ROBO2: variants seen among roughly 807,000 people sequenced by gnomAD.
ROBO2 encodes the protein roundabout guidance receptor 2, also known as roundabout homolog 2.
A neutral mutation model predicts 160.8 loss-of-function variants in ROBO2; 53 were observed. The observed-to-expected ratio is 0.33, with a 90% CI of 0.26 to 0.41. The LOEUF is 0.41. ROBO2 is among the 10% of genes least tolerant of loss of function. The probability of loss-of-function intolerance (pLI) is 1.00; values close to 1 mark genes in which losing one functional copy is unlikely to be tolerated. For missense variants in ROBO2, 1,577 were observed against 1,722.4 expected (o/e 0.92, Z 1.49); for synonymous variants, 664 against 611.7 (o/e 1.09, Z -1.26).
chr3:77,370,583 T>C (rs1343654415), intron 2 of ROBO2, among the ~76,000 whole-genome samples: 1 of 152,226 alleles, frequency 6.6e-6, no homozygotes, highest in East Asian at 1.9e-4. Context: ...TGGAAGACTG[T>C]GCTTTAGAGG....
chr3:77,267,585 AG>A (rs2059211535), intron 2 of ROBO2, among the ~76,000 whole-genome samples: 1 of 152,184 alleles, frequency 6.6e-6, no homozygotes, highest in Non-Finnish European at 1.5e-5. Flanking sequence ...AGTGAGGAAA[AG>A]ATGGGTTGGC....
At chr3:76,816,291 C>T (rs905775635) in intron 2 of ROBO2, among the ~76,000 whole-genome samples, 8 of 151,986 alleles carry the variant, frequency 5.3e-5, no homozygotes, top group African/African-American at 1.4e-4. Context: ...TATGAAGTAA[C>T]GTATTTATAA....
intron 2 of ROBO2, among the ~76,000 whole-genome samples, chr3:76,044,466 T>G (rs923787227): frequency 4.6e-5 from 7 of 152,050 alleles, no homozygotes; most frequent in Non-Finnish European, 8.8e-5. Context: ...TTTTTGTTAT[T>G]ATTGTAAAGA....
intron 6 of ROBO2, among the ~76,000 whole-genome samples, chr3:77,530,000 CA>C (rs886168735): frequency 2.0e-5 from 3 of 151,626 alleles, no homozygotes; most frequent in African/African-American, 7.3e-5. Context: ...ATTGTATGGT[CA>C]AAAAGTATAA....
intron 2 of ROBO2, among the ~76,000 whole-genome samples, chr3:76,919,219 G>T (rs2076517551): frequency 6.6e-6 from 1 of 152,060 alleles, no homozygotes; most frequent in African/African-American, 2.4e-5. Context: ...TAAATAAAAA[G>T]AAAGTGATGT....
At chr3:76,222,775 G>A (rs1704051636) in intron 2 of ROBO2, among the ~76,000 whole-genome samples, 1 of 149,312 alleles carries the variant, frequency 6.7e-6, no homozygotes, top group African/African-American at 2.5e-5. Flanking sequence ...TTTTTTTTCA[G>A]ATGGAGTCTC....
chr3:77,068,430 C>A (rs1030087575), intron 1 of ROBO2, among the ~76,000 whole-genome samples: 1 of 151,940 alleles, frequency 6.6e-6, no homozygotes, highest in Non-Finnish European at 1.5e-5. Context: ...GAATCACCAC[C>A]CTATTAAGAA....
At chr3:77,073,100 A>G (rs992372707) in intron 1 of ROBO2, among the ~76,000 whole-genome samples, 2 of 152,206 alleles carry the variant, frequency 1.3e-5, no homozygotes, top group Admixed American at 6.5e-5. Flanking sequence ...AATAGATATG[A>G]AAACAATTGC....
At chr3:77,038,660 C>G (rs1207385356), upstream of ROBO2, among the ~76,000 whole-genome samples, 2 of 152,098 alleles carry the variant, frequency 1.3e-5, no homozygotes, top group African/African-American at 4.8e-5. Context: ...ATCATCTGAA[C>G]AAGCATCAAA....
In ROBO2 at chr3:76,553,534, C is replaced by T. The variant is rs188297134; in HGVS notation, c.110-544480C>T. Among the ~76,000 whole-genome samples, 411 of 152,192 alleles carry T rather than the reference C, an allele frequency of 2.7e-3. 2 individuals carry two copies. The highest frequency in any genetic ancestry group is 8.7e-3 in the African/African-American group (363 of 41,506). On this transcript the variant is annotated intron_variant, in intron 2 of 26. Coordinates refer to the ROBO2 transcript ENST00000487694. ...GCTCTACTTTTTACTAATTAGTGGT[C>T]TGATATTAGCCAGGATTCTTGAAAC...
chr3:77,125,220 AGTTGTG>A (rs2075202208), intron 2 of ROBO2, among the ~76,000 whole-genome samples: 1 of 152,170 alleles, frequency 6.6e-6, no homozygotes, highest in Non-Finnish European at 1.5e-5. Context: ...TAACTATAAT[AGTTGTG>A]GTCTGTCTGC....
chr3:76,485,095 G>A (rs1273308240), intron 2 of ROBO2, among the ~76,000 whole-genome samples: 1 of 152,014 alleles, frequency 6.6e-6, no homozygotes, highest in African/African-American at 2.4e-5. Flanking sequence ...GGCGGGGATG[G>A]TTTCAGGATG....
intron 2 of ROBO2, among the ~76,000 whole-genome samples, chr3:76,607,873 C>T (rs1254273723): frequency 6.6e-6 from 1 of 152,132 alleles, no homozygotes; most frequent in South Asian, 2.1e-4. Context: ...TCTCTTCTTC[C>T]CACCCACACT....
chr3:77,597,251 G>T (rs1321362306), intron 19 of ROBO2, among the ~76,000 whole-genome samples: 2 of 151,964 alleles, frequency 1.3e-5, no homozygotes, highest in Non-Finnish European at 2.9e-5. Flanking sequence ...ATAACATGTT[G>T]AGAGAGAACT....
At chr3:77,634,999 A>G (rs752088187) in exon 24 of ROBO2, 19 of 1,614,174 alleles carry the variant, frequency 1.2e-5, no homozygotes, top group Non-Finnish European at 1.6e-5. Flanking sequence ...GGGCGGATGG[A>G]CCAACAACCA....
rs533656813 is a variant in ROBO2 at position 76,822,224 on chromosome 3, A to T, written c.110-275790A>T. Among the ~76,000 whole-genome samples the T allele has an allele frequency of 5.9e-5, 9 of 152,162 alleles. 1 individual carries two copies. Among genetic ancestry groups the T allele is most frequent in the Middle Eastern group, 3.4e-3 (1 of 294 alleles). ...TTATTTAATGTCTGTCTTTTCCATT[A>T]GACTGTAAGATCCATGAAGGCAGGG... is the stretch of plus-strand genomic sequence containing the variant. On this transcript the variant is annotated intron_variant, in intron 2 of 26. Coordinates refer to the ROBO2 transcript ENST00000487694.
chr3:76,545,315 G>C (rs2083035878), intron 2 of ROBO2, among the ~76,000 whole-genome samples: 1 of 151,944 alleles, frequency 6.6e-6, no homozygotes, highest in African/African-American at 2.4e-5. Flanking sequence ...ATCAAGTCCT[G>C]AATTAGATGT....
Position 76,447,264 on chromosome 3 carries a change from T to A in ROBO2, c.109+509662T>A, listed in dbSNP as rs1376659796. ...ACAGACACTTCTCAAAAGAAGACAT[T>A]TATGCAGCCAAAAAACACATGAAAA... On this transcript the variant is annotated intron_variant, in intron 2 of 26. Transcript: ENST00000487694. Among the ~76,000 whole-genome samples the A allele has an allele frequency of 5.3e-5, 8 of 152,254 alleles. No individual in the cohort carries two copies. In the South Asian group the frequency reaches 8.3e-4, roughly 16 times the overall value.
chr3:76,444,197 C>G (rs1241699118), intron 2 of ROBO2, among the ~76,000 whole-genome samples: 3 of 152,056 alleles, frequency 2.0e-5, no homozygotes, highest in African/African-American at 7.2e-5. Flanking sequence ...TCAGGCTGGT[C>G]TCAAGCTCAT....
Sources: allele counts gnomAD v4.1 joint callset (sites outside exome capture counted in the v4.1 genomes callset), GRCh38; gene constraint gnomAD v4.1.1; transcripts MANE v1.5; gene names NCBI Gene and HGNC (gene_info 2026-07-23, HGNC 2026-07-21).